The following IMMP2L variants were observed in gnomAD, a reference collection of about 807,000 sequenced individuals.
IMMP2L encodes mitochondrial inner membrane protease subunit 2.
In IMMP2L, 18 loss-of-function variants were observed where a neutral mutation model predicts 19.3. The observed-to-expected ratio is 0.93, with a 90% CI of 0.64 to 1.38. IMMP2L has a LOEUF of 1.38. Ranked by LOEUF, IMMP2L falls within the 40% of genes most tolerant of loss-of-function variation. The pLI, the probability that IMMP2L is intolerant of heterozygous loss-of-function variation, is 0.00. For synonymous variants in IMMP2L, 76 were observed against 73.0 expected (o/e 1.04, Z -0.21); for missense variants, 233 against 218.2 (o/e 1.07, Z -0.43).
chr7:110,885,962 A>G (rs961345057), intron 5 of IMMP2L, among the ~76,000 whole-genome samples: 1 of 152,100 alleles, frequency 6.6e-6, no homozygotes, highest in Non-Finnish European at 1.5e-5. Flanking sequence ...CATTTCCACA[A>G]TTAGGTCTCT....
At chr7:111,050,845 C>G (rs570866162) in intron 3 of IMMP2L, among the ~76,000 whole-genome samples, 1 of 152,302 alleles carries the variant, frequency 6.6e-6, no homozygotes, top group South Asian at 2.1e-4. Flanking sequence ...GAAATCAGAA[C>G]TGGGTCAGTT....
chr7:111,300,744 T>C (rs907047826), intron 3 of IMMP2L, among the ~76,000 whole-genome samples: 1 of 152,104 alleles, frequency 6.6e-6, no homozygotes, highest in Non-Finnish European at 1.5e-5. Flanking sequence ...GCAGAAAAAT[T>C]CCCTGGAGAT....
intron 5 of IMMP2L, among the ~76,000 whole-genome samples, chr7:110,879,972 G>T (rs1809477516): frequency 6.6e-6 from 1 of 152,082 alleles, no homozygotes; most frequent in Admixed American, 6.6e-5. Context: ...AATCATTAGT[G>T]ACAGAAATAT....
At chr7:111,078,513 AT>A (rs1795605694) in intron 3 of IMMP2L, among the ~76,000 whole-genome samples, 1 of 152,192 alleles carries the variant, frequency 6.6e-6, no homozygotes, top group Admixed American at 6.5e-5. Flanking sequence ...TAGTATTAAT[AT>A]GGGCACTAAA....
chr7:110,697,066 A>G lies in IMMP2L; in HGVS notation c.409-33345T>C, dbSNP rs1469411974. ...GCACTTGGGGAAATGAAGAGAAATC[A>G]ACCAGAAGCAAACCTGAGTTTGCTG... On this transcript the variant is annotated intron_variant, in intron 5 of 5. Coordinates refer to ENST00000405709, the MANE Select transcript of IMMP2L (RefSeq NM_032549.4). 6.6e-5 allele frequency among the ~76,000 whole-genome samples: 10 copies of G among 152,192 alleles called. 1 individual carries two copies. The highest frequency in any genetic ancestry group is 6.5e-4 in the Admixed American group (10 of 15,282).
chr7:111,409,328 T>TA (rs1834170202), intron 3 of IMMP2L, among the ~76,000 whole-genome samples: 3 of 151,592 alleles, frequency 2.0e-5, no homozygotes, highest in Middle Eastern at 3.2e-3. Context: ...AGCCCACAGC[T>TA]AAAAATTTGC....
At chr7:111,060,106 A>C (rs1793884254) in intron 3 of IMMP2L, among the ~76,000 whole-genome samples, 1 of 152,224 alleles carries the variant, frequency 6.6e-6, no homozygotes, top group African/African-American at 2.4e-5. Context: ...GCAGCAGTGT[A>C]ATAAACCCAA....
intron 5 of IMMP2L, among the ~76,000 whole-genome samples, chr7:110,730,961 C>A (rs986016152): frequency 1.3e-5 from 2 of 152,148 alleles, no homozygotes; most frequent in African/African-American, 4.8e-5. Flanking sequence ...CTCCAGAGAA[C>A]CCTGACTAAT....
At chr7:111,094,902 G>C (rs536608877) in intron 3 of IMMP2L, among the ~76,000 whole-genome samples, 6 of 152,104 alleles carry the variant, frequency 3.9e-5, no homozygotes, top group Admixed American at 1.3e-4. Flanking sequence ...AGGAATGGAA[G>C]GTCTCAATAG....
intron 5 of IMMP2L, among the ~76,000 whole-genome samples, chr7:110,773,699 A>C (rs1382036108): frequency 6.6e-6 from 1 of 152,152 alleles, no homozygotes; most frequent in Non-Finnish European, 1.5e-5. Context: ...CAGAGTTAGC[A>C]ACTTGGCCAT....
intron 3 of IMMP2L, among the ~76,000 whole-genome samples, chr7:111,421,197 A>G (rs1319667214): frequency 2.6e-5 from 4 of 151,096 alleles, no homozygotes; most frequent in Non-Finnish European, 5.9e-5. Context: ...TTGGCTGCAT[A>G]GATGTCTTCT....
intron 4 of IMMP2L, among the ~76,000 whole-genome samples, chr7:110,902,939 A>C (rs1812050650): frequency 2.6e-5 from 1 of 38,160 alleles, no homozygotes; most frequent in African/African-American, 1.6e-4. Flanking sequence ...CTCAAAAAAA[A>C]AAAAAAAAAA....
intron 3 of IMMP2L, among the ~76,000 whole-genome samples, chr7:110,986,377 A>G (rs1422288761): frequency 6.6e-6 from 1 of 152,162 alleles, no homozygotes; most frequent in Non-Finnish European, 1.5e-5. Context: ...CTAATCTGAG[A>G]TAAAATTTTA....
At chr7:111,241,124 A>G (rs1814975374) in intron 3 of IMMP2L, among the ~76,000 whole-genome samples, 1 of 151,934 alleles carries the variant, frequency 6.6e-6, no homozygotes, top group Non-Finnish European at 1.5e-5. Context: ...ATTGTGCTTA[A>G]TTTACGTTTA....
intron 3 of IMMP2L, among the ~76,000 whole-genome samples, chr7:111,314,549 A>G (rs1823851537): frequency 6.6e-6 from 1 of 152,144 alleles, no homozygotes; most frequent in Non-Finnish European, 1.5e-5. Context: ...TGAGGAAAAT[A>G]AGATCATTTA....
intron 3 of IMMP2L, among the ~76,000 whole-genome samples, chr7:111,272,726 C>T (rs982409055): frequency 1.3e-5 from 2 of 152,198 alleles, no homozygotes; most frequent in Non-Finnish European, 2.9e-5. Flanking sequence ...AGGACATCCC[C>T]AACCTTTTCA....
chr7:111,438,138 C>A (rs946120899), intron 3 of IMMP2L, among the ~76,000 whole-genome samples: 7 of 151,730 alleles, frequency 4.6e-5, no homozygotes, highest in Non-Finnish European at 1.0e-4. Flanking sequence ...AACGGAGTTA[C>A]CTATTAAAGG....
intron 3 of IMMP2L, among the ~76,000 whole-genome samples, chr7:111,268,508 A>G (rs1341660320): frequency 7.3e-4 from 106 of 144,846 alleles, no homozygotes; most frequent in Non-Finnish European, 1.3e-3. Flanking sequence ...AAAAAAAAAA[A>G]GGAGCCAGAA....
intron 3 of IMMP2L, among the ~76,000 whole-genome samples, chr7:111,194,524 T>C (rs1586771574): frequency 6.6e-6 from 1 of 152,138 alleles, no homozygotes; most frequent in Admixed American, 6.5e-5. Flanking sequence ...TCAATAACTA[T>C]GAGCTTCAAC....
Sources: allele counts gnomAD v4.1 joint callset (sites outside exome capture counted in the v4.1 genomes callset), GRCh38; gene constraint gnomAD v4.1.1; transcripts MANE v1.5; gene names NCBI Gene and HGNC (gene_info 2026-07-23, HGNC 2026-07-21).